GALNT13: variants seen among roughly 807,000 people sequenced by gnomAD.
GALNT13 encodes the protein polypeptide N-acetylgalactosaminyltransferase 13.
A neutral mutation model predicts 64.2 loss-of-function variants in GALNT13; 28 were observed. That is an observed-to-expected ratio of 0.44 (90% CI 0.32 to 0.60). The LOEUF (loss-of-function observed/expected upper bound fraction) is 0.60. Among genes scored for constraint, GALNT13 ranks in the 20% least tolerant of loss-of-function variants. The pLI, the probability that GALNT13 is intolerant of heterozygous loss-of-function variation, is 0.05. For missense variants in GALNT13, 577 were observed against 669.8 expected, an observed-to-expected ratio of 0.86 and a Z score of 1.53; for synonymous variants, 214 against 224.6, an observed-to-expected ratio of 0.95 and a Z score of 0.42.
the GALNT13 span, among the ~76,000 whole-genome samples, chr2:153,830,338 G>A: frequency 1.3e-5 from 2 of 151,956 alleles, no homozygotes; most frequent in South Asian, 4.1e-4. Context: ...GACTTTGACT[G>A]TACATTTGTT....
intron 11 of GALNT13, among the ~76,000 whole-genome samples, chr2:154,419,284 G>C (rs893576610): frequency 4.6e-5 from 7 of 152,070 alleles, no homozygotes; most frequent in Admixed American, 6.6e-5. Context: ...GTGTTTTCTA[G>C]CATAGAAATG....
chr2:153,257,015 T>G, the GALNT13 span, among the ~76,000 whole-genome samples: 1 of 152,254 alleles, frequency 6.6e-6, no homozygotes, highest in Admixed American at 6.5e-5. Flanking sequence ...GTTTACCTAA[T>G]CAAGTCTGGG....
the GALNT13 span, among the ~76,000 whole-genome samples, chr2:153,262,094 C>T: frequency 6.6e-6 from 1 of 152,168 alleles, no homozygotes; most frequent in Non-Finnish European, 1.5e-5. Flanking sequence ...AGACCGAGTC[C>T]CCTTTACTGT....
the GALNT13 span, among the ~76,000 whole-genome samples, chr2:153,527,944 A>C: frequency 1.3e-5 from 2 of 152,054 alleles, no homozygotes; most frequent in Admixed American, 6.5e-5. Flanking sequence ...AGAAAATAAA[A>C]AGCAGGAAAC....
chr2:153,403,789 G>A, the GALNT13 span, among the ~76,000 whole-genome samples: 6 of 152,130 alleles, frequency 3.9e-5, no homozygotes, highest in East Asian at 1.9e-4. Context: ...GCTTCGGCTC[G>A]TGCACGGTGT....
intron 2 of GALNT13, among the ~76,000 whole-genome samples, chr2:153,938,953 T>TTTTAAAA: frequency 6.6e-6 from 1 of 152,134 alleles, no homozygotes; most frequent in South Asian, 2.1e-4. Context: ...AATGCTGGAG[T>TTTTAAAA]TTTAAAATTT....
the GALNT13 span, among the ~76,000 whole-genome samples, chr2:153,845,351 G>A: frequency 6.6e-6 from 1 of 152,192 alleles, no homozygotes; most frequent in East Asian, 1.9e-4. Flanking sequence ...AATCATGGTG[G>A]AAAGTGAAGG....
chr2:153,501,360 C>T, the GALNT13 span, among the ~76,000 whole-genome samples: 7 of 151,744 alleles, frequency 4.6e-5, no homozygotes, highest in East Asian at 1.9e-4. Context: ...GAGATGGAGT[C>T]GCCCTCTGTC....
the GALNT13 span, among the ~76,000 whole-genome samples, chr2:153,466,790 A>G: frequency 6.6e-6 from 1 of 152,042 alleles, no homozygotes; most frequent in Non-Finnish European, 1.5e-5. Flanking sequence ...GTTTTAGCAT[A>G]TTAAAATCAG....
At chr2:153,645,929 CT>C in the GALNT13 span, among the ~76,000 whole-genome samples, 5 of 152,030 alleles carry the variant, frequency 3.3e-5, no homozygotes, top group Non-Finnish European at 5.9e-5. Flanking sequence ...CAAAATGTTA[CT>C]AAAATTTTAC....
the GALNT13 span, among the ~76,000 whole-genome samples, chr2:153,626,553 C>T: frequency 6.6e-6 from 1 of 152,134 alleles, no homozygotes; most frequent in Non-Finnish European, 1.5e-5. Flanking sequence ...TGTAGCTCTA[C>T]TTTCCATGCT....
the GALNT13 span, among the ~76,000 whole-genome samples, chr2:153,231,303 T>C: frequency 1.6e-4 from 25 of 152,196 alleles, no homozygotes; most frequent in Non-Finnish European, 3.5e-4. Context: ...CTCTAGAGTG[T>C]AGAGAGTTTG....
intron 3 of GALNT13, among the ~76,000 whole-genome samples, chr2:154,003,220 A>G (rs1032850988): frequency 6.6e-5 from 10 of 152,146 alleles, no homozygotes; most frequent in Admixed American, 6.5e-5. Context: ...CACATCATTG[A>G]GCCCTGTTGG....
chr2:153,841,110 T>C, the GALNT13 span, among the ~76,000 whole-genome samples: 1 of 152,178 alleles, frequency 6.6e-6, no homozygotes, highest in African/African-American at 2.4e-5. Flanking sequence ...TATATTTTAG[T>C]GTCATAACAA....
the GALNT13 span, among the ~76,000 whole-genome samples, chr2:153,264,680 T>C: frequency 6.6e-6 from 1 of 152,190 alleles, no homozygotes; most frequent in East Asian, 1.9e-4. Flanking sequence ...AGCAGACTAA[T>C]GCAGGAGCTA....
chr2:154,304,313 G>A (rs1405627473), intron 9 of GALNT13, among the ~76,000 whole-genome samples: 1 of 152,136 alleles, frequency 6.6e-6, no homozygotes, highest in Non-Finnish European at 1.5e-5. Context: ...TTCAGCAAGA[G>A]CATGTAATAT....
At chr2:153,597,971 A>G in the GALNT13 span, among the ~76,000 whole-genome samples, 1 of 152,134 alleles carries the variant, frequency 6.6e-6, no homozygotes, top group Admixed American at 6.6e-5. Context: ...GAACCCTCAT[A>G]TACTACTGGT....
At chr2:153,521,942 A>G in the GALNT13 span, among the ~76,000 whole-genome samples, 1 of 152,210 alleles carries the variant, frequency 6.6e-6, no homozygotes, top group Non-Finnish European at 1.5e-5. Flanking sequence ...CCATTTGCCA[A>G]CTGAATGATA....
At chr2:154,118,003 G>C (rs1681699588) in intron 3 of GALNT13, among the ~76,000 whole-genome samples, 1 of 152,094 alleles carries the variant, frequency 6.6e-6, no homozygotes, top group South Asian at 2.1e-4. Flanking sequence ...CTGTTGGTTG[G>C]AAGATTCTAT....
Sources: gnomAD v4.1 joint callset for allele counts (sites outside exome capture counted in the v4.1 genomes callset) on GRCh38, gnomAD v4.1.1 for gene constraint, MANE v1.5 for transcripts, NCBI Gene and HGNC (gene_info 2026-07-23, HGNC 2026-07-21) for gene names.